ADARB2: variants seen among roughly 807,000 people sequenced by gnomAD.
The protein encoded by ADARB2 is inactive double-stranded RNA-specific editase B2.
In ADARB2, 25 loss-of-function variants were observed where a neutral mutation model predicts 62.2. The ratio of observed to expected loss-of-function variants is 0.40; its 90% confidence interval spans 0.29 to 0.56. ADARB2 has a LOEUF of 0.56. Ranked by LOEUF, ADARB2 falls within the 20% of genes least tolerant of loss-of-function variation. ADARB2 has a pLI of 0.43. For synonymous variants in ADARB2, 572 were observed against 500.8 expected, an observed-to-expected ratio of 1.14 and a Z score of -1.90; for missense variants, 1,071 against 1,077.4, an observed-to-expected ratio of 0.99 and a Z score of 0.08.
rs372217598 is a variant in ADARB2, at chr10:1,351,895, T to C, written c.1077+11133A>G. On this transcript the variant is annotated intron_variant, in intron 3 of 9. Coordinates refer to ENST00000381312, the MANE Select transcript of ADARB2 (RefSeq NM_018702.4). ...CTGTGCCTTATCAACCAAATTGTTT[T>C]GCCTATCCACCCCTTGGTGCCAAAC... Among the ~76,000 whole-genome samples, 46 of 149,282 alleles carry C rather than the reference T, an allele frequency of 3.1e-4. 2 individuals carry two copies. The East Asian group carries it at 6.8e-3, about 22-fold the overall frequency.
chr10:1,668,115 C>T (rs1187433528), intron 1 of ADARB2, among the ~76,000 whole-genome samples: 1 of 152,220 alleles, frequency 6.6e-6, no homozygotes, highest in Non-Finnish European at 1.5e-5. Context: ...TAACCGAGGG[C>T]CTCTGTGATT....
At chr10:1,735,727 T>C (rs1018061214) in intron 1 of ADARB2, among the ~76,000 whole-genome samples, 32 of 152,326 alleles carry the variant, frequency 2.1e-4, no homozygotes, top group African/African-American at 7.7e-4. Context: ...CAACATCACC[T>C]CCCTTCTGAA....
rs535435786 is a variant in ADARB2 at position 1,268,401 on chromosome 10, A to G, written c.1192+2554T>C. On this transcript the variant is annotated intron_variant, in intron 4 of 9. Coordinates refer to ENST00000381312, the MANE Select transcript of ADARB2 (RefSeq NM_018702.4). ...ATATATTTCTGTGATTATATTTCTC[A>G]TAATGGCTAAGAAATGGTCTCTGAT... Among the ~76,000 whole-genome samples, 79 of 152,346 alleles carry G rather than the reference A, an allele frequency of 5.2e-4. 1 individual carries two copies. In the South Asian group the frequency reaches 0.014, roughly 28 times the overall value.
chr10:1,524,075 T>G (rs143744774), intron 1 of ADARB2, among the ~76,000 whole-genome samples: 22 of 151,832 alleles, frequency 1.4e-4, no homozygotes, highest in African/African-American at 4.9e-4. Context: ...GATAGATAGA[T>G]AGATAGATAG....
intron 3 of ADARB2, among the ~76,000 whole-genome samples, chr10:1,300,434 C>T (rs1368608153): frequency 1.3e-5 from 2 of 152,196 alleles, no homozygotes; most frequent in Non-Finnish European, 2.9e-5. Context: ...GGCACCCCCA[C>T]GCCTCTCCTC....
chr10:1,510,032 T>G (rs1379929203), intron 1 of ADARB2, among the ~76,000 whole-genome samples: 1 of 113,932 alleles, frequency 8.8e-6, no homozygotes, highest in Non-Finnish European at 2.1e-5. Flanking sequence ...TTTTTCTCTT[T>G]CTTTCTTTTC....
intron 1 of ADARB2, among the ~76,000 whole-genome samples, chr10:1,566,327 GA>G (rs1475922370): frequency 2.6e-5 from 4 of 152,100 alleles, no homozygotes; most frequent in Non-Finnish European, 5.9e-5. Flanking sequence ...TTTAGAAAAG[GA>G]TTCATATTTT....
intron 3 of ADARB2, among the ~76,000 whole-genome samples, chr10:1,354,808 T>G (rs531742855): frequency 1.5e-3 from 230 of 152,354 alleles, no homozygotes; most frequent in Non-Finnish European, 2.6e-3. Flanking sequence ...GGTGTAATGA[T>G]GAGTCCCAAA....
chr10:1,425,456 T>C (rs992235299), intron 1 of ADARB2, among the ~76,000 whole-genome samples: 7 of 152,258 alleles, frequency 4.6e-5, no homozygotes, highest in Non-Finnish European at 7.3e-5. Context: ...GTTTGTATCC[T>C]TCAAGCAATA....
chr10:1,257,679 T>G (rs950515149), intron 4 of ADARB2, among the ~76,000 whole-genome samples: 5 of 152,008 alleles, frequency 3.3e-5, no homozygotes, highest in African/African-American at 1.2e-4. Context: ...AGAGGAAAGT[T>G]TGGTTATAAC....
rs143936077 is a variant in ADARB2 at position 1,507,200 on chromosome 10, G to A, written c.101-128040C>T. On this transcript the variant is annotated intron_variant, in intron 1 of 9. Coordinates refer to ENST00000381312, the MANE Select transcript of ADARB2 (RefSeq NM_018702.4). ...GGGCAGAGCTGTGATCAATAAATAC[G>A]GAAGCCAGGAAGACAGGAGTTGACG... 2.3e-3 allele frequency among the ~76,000 whole-genome samples: 353 copies of A among 152,324 alleles called. 15 individuals carry two copies. In the East Asian group the frequency reaches 0.054, roughly 24 times the overall value.
intron 1 of ADARB2, among the ~76,000 whole-genome samples, chr10:1,428,965 T>C (rs548508105): frequency 4.6e-5 from 7 of 151,760 alleles, no homozygotes; most frequent in Admixed American, 3.9e-4. Context: ...GTCTATATTC[T>C]GGTCTGAATC....
At chr10:1,487,446 G>T (rs555872686) in intron 1 of ADARB2, among the ~76,000 whole-genome samples, 1 of 152,252 alleles carries the variant, frequency 6.6e-6, no homozygotes, top group East Asian at 1.9e-4. Flanking sequence ...AGGGGAAGGA[G>T]AGGAGGTGCC....
chr10:1,191,798 T>C (rs1226903223), intron 8 of ADARB2, among the ~76,000 whole-genome samples: 1 of 152,172 alleles, frequency 6.6e-6, no homozygotes, highest in Non-Finnish European at 1.5e-5. Flanking sequence ...CCTGATGAGA[T>C]TGTGTGACCT....
chr10:1,656,110 A>G (rs1158252003), intron 1 of ADARB2, among the ~76,000 whole-genome samples: 1 of 152,210 alleles, frequency 6.6e-6, no homozygotes, highest in East Asian at 1.9e-4. Flanking sequence ...TTATTAATGC[A>G]CTTCTGGGAT....
chr10:1,374,761 T>C (rs1284201027), intron 2 of ADARB2, among the ~76,000 whole-genome samples: 2 of 152,230 alleles, frequency 1.3e-5, no homozygotes, highest in East Asian at 3.9e-4. Context: ...CTAATGACGC[T>C]GCGTGCCTGC....
At chr10:1,313,471 C>T (rs1478636568) in intron 3 of ADARB2, among the ~76,000 whole-genome samples, 2 of 152,242 alleles carry the variant, frequency 1.3e-5, no homozygotes. Context: ...AAATGTGTCT[C>T]TGCCATTCAC....
At chr10:1,216,810 GT>G in intron 7 of ADARB2, 140 bp downstream of exon 7, 4 of 1,131,382 alleles carry the variant, frequency 3.5e-6, no homozygotes, top group Non-Finnish European at 5.0e-6. Context: ...TGGCTGTGGA[GT>G]TCCACGGCTC....
At position 1,439,699 on chromosome 10, in the gene ADARB2, TC is replaced by T. The variant is rs1192278349; in HGVS notation, c.101-60540del. Among the ~76,000 whole-genome samples the T allele has an allele frequency of 3.8e-4, 48 of 126,316 alleles. 2 individuals are homozygous for T. Among genetic ancestry groups the T allele is most frequent in the East Asian group, 5.6e-4 (2 of 3,552 alleles). The allele number at this position is 126,316 out of a possible 152,430, so 82.9% of individuals were successfully genotyped here. On this transcript the variant is annotated intron_variant, in intron 1 of 9. Transcript: ENST00000381312. ...AGTCTCCTCAGCAGATGGAGGCAGG[TC>T]CTTCACTATGGGGCTCCTGAGTCTC...
Sources: gnomAD v4.1 joint callset for allele counts (sites outside exome capture counted in the v4.1 genomes callset) on GRCh38, gnomAD v4.1.1 for gene constraint, MANE v1.5 for transcripts, NCBI Gene and HGNC (gene_info 2026-07-23, HGNC 2026-07-21) for gene names.